DGKG: variants seen among roughly 807,000 people sequenced by gnomAD.
The protein encoded by DGKG is diacylglycerol kinase gamma, also known as DAG kinase gamma.
DGKG carries 78 observed loss-of-function variants against 105.3 expected under a neutral mutation model. The ratio of observed to expected loss-of-function variants is 0.74; its 90% CI spans 0.62 to 0.89. The LOEUF (loss-of-function observed/expected upper bound fraction) is 0.89. Ranked by LOEUF, DGKG falls within the 40% of genes least tolerant of loss-of-function variation. DGKG has a pLI of 0.00. For missense variants in DGKG, 958 were observed against 1,020.1 expected, an observed-to-expected ratio of 0.94 and a Z score of 0.83; for synonymous variants, 346 against 367.1, an observed-to-expected ratio of 0.94 and a Z score of 0.66.
intron 24 of DGKG, among the ~76,000 whole-genome samples, chr3:186,156,266 T>A (rs189455116): frequency 1.3e-5 from 2 of 152,248 alleles, no homozygotes; most frequent in East Asian, 3.9e-4. Flanking sequence ...GGGGCTTTTT[T>A]TTGCTTTGGT....
intron 20 of DGKG, among the ~76,000 whole-genome samples, chr3:186,227,842 A>T (rs1409001239): frequency 2.0e-5 from 3 of 152,248 alleles, no homozygotes. Context: ...TATGCTAATC[A>T]CATCAGCCGT....
intron 8 of DGKG, among the ~76,000 whole-genome samples, 181 bp from the exon 9 acceptor site, chr3:186,280,154 C>CCCTTGGG (rs1470753048): frequency 6.6e-6 from 1 of 152,196 alleles, no homozygotes; most frequent in Non-Finnish European, 1.5e-5. Context: ...TCTGGCTCTG[C>CCCTTGGG]CCTTGGGCCT....
intron 15 of DGKG, 94 bp downstream of exon 15, chr3:186,261,605 C>T: frequency 1.1e-6 from 1 of 895,582 alleles, no homozygotes; most frequent in Non-Finnish European, 1.8e-6. Flanking sequence ...TTGAGTCTGC[C>T]TGTCTCCACA....
chr3:186,337,174 C>T (rs954965321), intron 1 of DGKG, among the ~76,000 whole-genome samples: 9 of 152,040 alleles, frequency 5.9e-5, no homozygotes, highest in African/African-American at 2.2e-4. Flanking sequence ...AAGGAAAATA[C>T]AAAAACAAAT....
At chr3:186,290,222 C>T (rs1238184820) in intron 5 of DGKG, among the ~76,000 whole-genome samples, 1 of 152,074 alleles carries the variant, frequency 6.6e-6, no homozygotes, top group Non-Finnish European at 1.5e-5. Context: ...AGCAGAAAGC[C>T]TCAGGGTTTG....
At chr3:186,168,033 T>C (rs962826560) in intron 22 of DGKG, among the ~76,000 whole-genome samples, 3 of 152,118 alleles carry the variant, frequency 2.0e-5, no homozygotes, top group African/African-American at 7.2e-5. Flanking sequence ...CAAGGATGAA[T>C]GAGCGCCAAG....
intron 5 of DGKG, among the ~76,000 whole-genome samples, chr3:186,294,491 G>A (rs1357760724): frequency 2.8e-5 from 4 of 143,590 alleles, no homozygotes; most frequent in African/African-American, 1.0e-4. Context: ...AGCTGAGATT[G>A]CACCATTGCA....
intron 24 of DGKG, among the ~76,000 whole-genome samples, chr3:186,154,878 A>T (rs1715958594): frequency 6.6e-6 from 1 of 152,126 alleles, no homozygotes; most frequent in African/African-American, 2.4e-5. Flanking sequence ...AAAATCTGGG[A>T]TGTGGCCCAG....
intron 21 of DGKG, among the ~76,000 whole-genome samples, chr3:186,194,131 C>T (rs945289389): frequency 1.3e-5 from 2 of 152,246 alleles, no homozygotes; most frequent in Non-Finnish European, 2.9e-5. Context: ...GACAATCCCC[C>T]CAGTTCTGGT....
chr3:186,310,985 T>A (rs184020710), intron 2 of DGKG, among the ~76,000 whole-genome samples: 1 of 152,352 alleles, frequency 6.6e-6, no homozygotes. Context: ...TAAACATTTC[T>A]AAATCATAGG....
intron 3 of DGKG, 168 bp downstream of exon 3, chr3:186,306,733 G>A (rs1236806703): frequency 1.7e-6 from 1 of 603,570 alleles, no homozygotes; most frequent in Non-Finnish European, 3.0e-6. Flanking sequence ...GTATGGGCTT[G>A]GGAAACATAT....
In DGKG at chr3:186,326,771, T is replaced by A. The variant is rs147504020; in HGVS notation, c.-248-6064A>T. On this transcript the variant is annotated intron_variant, in intron 1 of 24. Coordinates refer to ENST00000265022, the MANE Select transcript of DGKG (RefSeq NM_001346.3). ...GTTACGTAGGTTAGTTCTTTCTCAC[T>A]CCCATCAGTTTCTGTTTGTATTTCA... 2.6e-3 allele frequency among the ~76,000 whole-genome samples: 389 copies of A among 152,352 alleles called. 2 individuals are homozygous for A. The highest frequency in any genetic ancestry group is 7.8e-3 in the African/African-American group (325 of 41,582).
chr3:186,185,440 G>A (rs1462077144), intron 22 of DGKG, among the ~76,000 whole-genome samples: 4 of 152,184 alleles, frequency 2.6e-5, no homozygotes, highest in African/African-American at 9.7e-5. Context: ...GCTTGAAGAA[G>A]GGGAAGATGT....
chr3:186,212,344 G>C (rs115428099), intron 20 of DGKG, among the ~76,000 whole-genome samples: 1 of 152,200 alleles, frequency 6.6e-6, no homozygotes, highest in South Asian at 2.1e-4. Flanking sequence ...GGACAGAGGA[G>C]GGATAGCCCC....
intron 1 of DGKG, among the ~76,000 whole-genome samples, chr3:186,339,542 AT>A (rs1376528621): frequency 6.6e-6 from 1 of 152,184 alleles, no homozygotes; most frequent in African/African-American, 2.4e-5. Context: ...TGTATTTTCA[AT>A]TTCAATAAAA....
intron 21 of DGKG, among the ~76,000 whole-genome samples, chr3:186,194,936 T>A (rs1248630951): frequency 6.6e-6 from 1 of 151,438 alleles, no homozygotes; most frequent in African/African-American, 2.4e-5. Flanking sequence ...AAACCCTGTC[T>A]CTACTAAAAA....
At chr3:186,209,528 G>A (rs907153590) in intron 21 of DGKG, among the ~76,000 whole-genome samples, 9 of 152,158 alleles carry the variant, frequency 5.9e-5, no homozygotes, top group African/African-American at 2.2e-4. Flanking sequence ...GTGGGGAACT[G>A]AAGATGGCGA....
intron 11 of DGKG, among the ~76,000 whole-genome samples, chr3:186,270,615 C>G (rs556139784): frequency 6.6e-6 from 1 of 152,280 alleles, no homozygotes; most frequent in South Asian, 2.1e-4. Context: ...TACATGGCCA[C>G]AATTGAATTT....
At chr3:186,161,830 C>T (rs1397405965) in intron 23 of DGKG, among the ~76,000 whole-genome samples, 167 bp from the exon 24 acceptor site, 1 of 152,184 alleles carries the variant, frequency 6.6e-6, no homozygotes, top group East Asian at 1.9e-4. Context: ...GAGACCACCT[C>T]AGGGAGTCTA....
Sources: gnomAD v4.1 joint callset for allele counts (sites outside exome capture counted in the v4.1 genomes callset) on GRCh38, gnomAD v4.1.1 for gene constraint, MANE v1.5 for transcripts, NCBI Gene and HGNC (gene_info 2026-07-23, HGNC 2026-07-21) for gene names.